The following METTL21C variants were observed in gnomAD, a reference collection of about 807,000 sequenced individuals.
METTL21C encodes the protein methyltransferase 21C, AARS1 lysine, also known as protein-lysine methyltransferase METTL21C.
METTL21C carries 21 observed loss-of-function variants against 25.9 expected under a neutral mutation model. The ratio of observed to expected loss-of-function variants is 0.81; its 90% confidence interval spans 0.58 to 1.17. METTL21C has a LOEUF of 1.17. METTL21C is among the 50% of genes most tolerant of loss of function. The pLI is 0.00. For missense variants in METTL21C, 312 were observed against 315.1 expected (o/e 0.99, Z 0.07); for synonymous variants, 125 against 124.7 (o/e 1.00, Z -0.01).
chr13:102,697,312 T>G (rs760544159), upstream of METTL21C, among the ~76,000 whole-genome samples: 2 of 151,970 alleles, frequency 1.3e-5, no homozygotes, highest in Non-Finnish European at 2.9e-5. Context: ...AAGGGGACAT[T>G]CAGCAATTTG....
Position 102,694,387 on chromosome 13 carries a change from T to C in METTL21C, c.112A>G (p.Thr38Ala), listed in dbSNP as rs762757043. 11 of 1,558,610 alleles carry C rather than the reference T, an allele frequency of 7.1e-6. No individual in the cohort carries two copies. The highest frequency in any genetic ancestry group is 8.6e-6 in the Non-Finnish European group (10 of 1,157,764). Residue 38 changes from threonine to alanine, a missense_variant, in exon 1 of 4, where the codon ACC becomes GCC. Physicochemically the swap from Thr to Ala is moderately conservative, Grantham distance 58 (BLOSUM62 0). Transcript: ENST00000267273. ...EKKGAPQKDSTGGVLEESNKI... is the reference protein window; with the variant it reads ...EKKGAPQKDSAGGVLEESNKI... ...AGGTTACCTTCTAGGACTCCCCCGG[T>C]GCTGTCTTTCTGCGGAGCCCCCTTC...
At chr13:102,688,269 G>A (rs1885729861) in intron 2 of METTL21C, among the ~76,000 whole-genome samples, 2 of 152,182 alleles carry the variant, frequency 1.3e-5, no homozygotes, top group Admixed American at 6.5e-5. Flanking sequence ...GACCCTGTAC[G>A]TCACTCCATT....
intron 3 of METTL21C, among the ~76,000 whole-genome samples, chr13:102,686,714 C>T (rs1885685363): frequency 6.6e-6 from 1 of 152,206 alleles, no homozygotes; most frequent in South Asian, 2.1e-4. Context: ...TGCCTCTGGA[C>T]TCAACTTCGT....
rs879915646 is a variant in METTL21C at position 102,694,894 on chromosome 13, T to A, written c.-396A>T. Among the ~76,000 whole-genome samples the A allele has an allele frequency of 0.047, 6,617 of 141,670 alleles. 404 individuals carry two copies. The highest frequency in any genetic ancestry group is 0.15 in the African/African-American group (5,578 of 37,126). 92.9% of individuals were successfully genotyped at this position (141,670 alleles called of 152,430 possible). On this transcript the variant is annotated 5_prime_UTR_variant, in exon 1 of 4. Transcript: ENST00000267273. The stretch of plus-strand genomic sequence containing the variant: ...CTCTTTCTCTCTCTCTCTCTCTCTC[T>A]CTCTCTCACACACACACACACACAC...
intron 2 of METTL21C, among the ~76,000 whole-genome samples, chr13:102,688,020 G>A (rs959574245): frequency 2.0e-5 from 3 of 152,254 alleles, no homozygotes; most frequent in Admixed American, 6.5e-5. Context: ...GAGAAGAAAT[G>A]ACAAAAAGTT....
chr13:102,689,359 G>A lies in METTL21C; in HGVS notation c.282+1454C>T, dbSNP rs138588314. On this transcript the variant is annotated intron_variant, in intron 2 of 3. Transcript: ENST00000267273. ...TTTTTAAGGCAAAGAAAAGCCTTTAGTTGAAGGAAATTATATGCATAAGGT... is the reference window on the plus strand; with the variant it reads ...TTTTTAAGGCAAAGAAAAGCCTTTAATTGAAGGAAATTATATGCATAAGGT... 3.2e-3 allele frequency among the ~76,000 whole-genome samples: 480 copies of A among 152,316 alleles called. 8 individuals carry two copies. In the South Asian group the frequency reaches 0.054, roughly 17 times the overall value.
upstream of METTL21C, among the ~76,000 whole-genome samples, chr13:102,696,713 G>A (rs186544359): frequency 5.5e-4 from 83 of 152,212 alleles, no homozygotes; most frequent in East Asian, 7.7e-3. Flanking sequence ...TTTAACATGC[G>A]TCAACTCCAG....
In METTL21C at chr13:102,694,480, A is replaced by C. The variant is rs768424337; in HGVS notation, c.19T>G (p.Ser7Ala). 11 of 1,602,188 alleles carry C rather than the reference A, an allele frequency of 6.9e-6. No individual in the cohort carries two copies. In the Admixed American group the frequency reaches 1.7e-4, roughly 25 times the overall value. The change falls in exon 1 of 4, where the codon TCC becomes GCC. Residue 7 changes from serine to alanine, a missense_variant. Transcript: ENST00000267273. ...CCCCGGCGCCCAGGCTGCTGCGCGG[A>C]GCTCAGACACACGTCCATAGCCGGC... MDVCLS[S>A]AQQPGRRGEG...
At chr13:102,689,002 T>C (rs1049995552) in intron 2 of METTL21C, among the ~76,000 whole-genome samples, 1 of 152,220 alleles carries the variant, frequency 6.6e-6, no homozygotes, top group South Asian at 2.1e-4. Flanking sequence ...GCAGGTTTCA[T>C]GAGAGGCTAG....
chr13:102,688,467 C>T (rs1056272080), intron 2 of METTL21C, among the ~76,000 whole-genome samples: 10 of 152,260 alleles, frequency 6.6e-5, no homozygotes, highest in South Asian at 2.1e-4. Flanking sequence ...ACCACAGAGC[C>T]GCCGAGGAGT....
At position 102,690,962 on chromosome 13, in the gene METTL21C, AT is replaced by A; in HGVS notation, c.132del (p.Glu44AspfsTer5). ...TGAAGAGATGGTTCTATCTTGTTGG[AT>A]TCTGTGAAGCAGAAAAATAAAATGG... ...QKDSTGGVLE[E>X]SNKIEPSLHS... is the part of the protein sequence containing the mutation. On this transcript the variant is annotated frameshift_variant and splice_region_variant, in exon 2 of 4. Transcript: ENST00000267273. LOFTEE classifies it high-confidence loss of function. 6.2e-7 allele frequency: 1 copy of A among 1,613,606 alleles called. No individual in the cohort carries two copies. Among genetic ancestry groups the A allele is most frequent in the South Asian group, 1.1e-5 (1 of 90,896 alleles).
upstream of METTL21C, among the ~76,000 whole-genome samples, chr13:102,697,344 G>T (rs930727001): frequency 6.6e-6 from 1 of 151,884 alleles, no homozygotes; most frequent in African/African-American, 2.4e-5. Flanking sequence ...ATTAGTTATC[G>T]CAATAGGGGG....
At chr13:102,699,793 T>C (rs1376394263), upstream of METTL21C, among the ~76,000 whole-genome samples, 1 of 147,508 alleles carries the variant, frequency 6.8e-6, no homozygotes, top group Middle Eastern at 3.2e-3. Flanking sequence ...GGTCCAGGGC[T>C]GCTGCAATAC....
At chr13:102,688,295 C>T (rs1441010195) in intron 2 of METTL21C, among the ~76,000 whole-genome samples, 1 of 152,232 alleles carries the variant, frequency 6.6e-6, no homozygotes, top group African/African-American at 2.4e-5. Flanking sequence ...CTCATCTGTT[C>T]ATATTGAACT....
At position 102,686,991 on chromosome 13, in the gene METTL21C, G is replaced by T; in HGVS notation, c.349C>A (p.Leu117Ile). 1 of 1,614,142 alleles carries T rather than the reference G, an allele frequency of 6.2e-7. No individual in the cohort carries two copies. The highest frequency in any genetic ancestry group is 1.6e-4 in the Middle Eastern group (1 of 6,062). Reference protein sequence around the residue: ...EELNFQDAKILEIGAGPGLVS... With the variant: ...EELNFQDAKIIEIGAGPGLVS... ...AGGCCTGGTCCGGCACCAATTTCAA[G>T]TATTTTTGCATCTTGGAAATTCAAT... Residue 117 changes from leucine (L) to isoleucine (I), a missense_variant, in exon 3 of 4, where the codon CTT becomes ATT. Leu to Ile is a conservative substitution (Grantham distance 5). Transcript: ENST00000267273.
Position 102,692,047 on chromosome 13 carries a change from T to G in METTL21C, c.131-1083A>C, listed in dbSNP as rs1235777981. Among the ~76,000 whole-genome samples the G allele has an allele frequency of 3.3e-5, 5 of 151,752 alleles. No individual in the cohort carries two copies. The East Asian group carries it at 9.7e-4, about 29-fold the overall frequency. ...GGGAAAGAATTAACAGTGCGGAGAG[T>G]AGGGGGGAGGAAGGTCAGTTTTGTT... On this transcript the variant is annotated intron_variant, in intron 1 of 3. Transcript: ENST00000267273.
In METTL21C at chr13:102,686,088, C is replaced by G; in HGVS notation, c.738G>C (p.Leu246Phe). 10 of 1,611,548 alleles carry G rather than the reference C, an allele frequency of 6.2e-6. No homozygotes were observed. Among genetic ancestry groups the G allele is most frequent in the Non-Finnish European group, 6.8e-6 (8 of 1,178,362 alleles). ...KFKQVFDTTL[L>F]AEYPESSVKL... is the part of the protein sequence containing the mutation. ...TGACTGATGACTCTGGATATTCAGCCAACAGTGTTGTGTCAAAAACTTGCT... is the reference window on the plus strand; with the variant it reads ...TGACTGATGACTCTGGATATTCAGCGAACAGTGTTGTGTCAAAAACTTGCT... Residue 246 changes from leucine to phenylalanine, a missense_variant, in exon 4 of 4, where the codon TTG (leucine) becomes TTC (phenylalanine). Leu to Phe is a conservative substitution (Grantham distance 22). Coordinates refer to ENST00000267273, the MANE Select transcript of METTL21C (RefSeq NM_001010977.3).
rs529143619 is a variant in METTL21C at position 102,691,539 on chromosome 13, G to A, written c.131-575C>T. 8.6e-5 allele frequency among the ~76,000 whole-genome samples: 13 copies of A among 152,020 alleles called. No homozygotes were observed. In the East Asian group the frequency reaches 2.5e-3, roughly 29 times the overall value. ...TAATTTTTGTATTTTTAGTAGACAC[G>A]GGGTTTCACCATGTTGGTCAGGCTG... On this transcript the variant is annotated intron_variant, in intron 1 of 3. Coordinates refer to ENST00000267273, the MANE Select transcript of METTL21C (RefSeq NM_001010977.3).
the METTL21C span, among the ~76,000 whole-genome samples, chr13:102,703,989 T>A: frequency 6.6e-6 from 1 of 152,214 alleles, no homozygotes; most frequent in Non-Finnish European, 1.5e-5. Flanking sequence ...TCACATTGTC[T>A]TAAGATGCAA....
Sources: gnomAD v4.1 joint callset for allele counts (sites outside exome capture counted in the v4.1 genomes callset) on GRCh38, gnomAD v4.1.1 for gene constraint, MANE v1.5 for transcripts, NCBI Gene and HGNC (gene_info 2026-07-23, HGNC 2026-07-21) for gene names.